Variants in EGFLAM observed in about 807,000 individuals in gnomAD.
EGFLAM encodes the protein EGF like, fibronectin type III and laminin G domains.
In EGFLAM, 79 loss-of-function variants were observed where a neutral mutation model predicts 113.1. The observed-to-expected ratio is 0.70, with a 90% confidence interval of 0.58 to 0.84. EGFLAM has a LOEUF of 0.84. Ranked by LOEUF, EGFLAM falls within the 40% of genes least tolerant of loss-of-function variation. The pLI is 0.00. For synonymous variants in EGFLAM, 504 were observed against 487.6 expected (o/e 1.03, Z -0.44); for missense variants, 1,265 against 1,291.6 (o/e 0.98, Z 0.32).
intron 5 of EGFLAM, among the ~76,000 whole-genome samples, chr5:38,357,864 CTT>C (rs796951086): frequency 2.2e-4 from 25 of 115,730 alleles, no homozygotes; most frequent in Non-Finnish European, 1.9e-4. Context: ...AACAAATTTT[CTT>C]TTTTTTTTTT....
At chr5:38,370,551 A>C (rs1740182243) in intron 6 of EGFLAM, 89 bp downstream of exon 6, 2 of 1,462,836 alleles carry the variant, frequency 1.4e-6, no homozygotes, top group Non-Finnish European at 1.8e-6. Flanking sequence ...TGCCGTGCAG[A>C]AGGACAGCCT....
chr5:38,371,201 G>C (rs1348133986), intron 6 of EGFLAM, among the ~76,000 whole-genome samples: 4 of 152,224 alleles, frequency 2.6e-5, no homozygotes, highest in African/African-American at 9.7e-5. Context: ...GTAGCAGGGA[G>C]AGTTGAGAAT....
intron 1 of EGFLAM, among the ~76,000 whole-genome samples, chr5:38,326,951 A>C (rs1401620155): frequency 2.6e-5 from 4 of 151,734 alleles, no homozygotes; most frequent in African/African-American, 9.7e-5. Flanking sequence ...GACATGCGAC[A>C]CCACGCCTGG....
rs1331509740 is a variant in EGFLAM at position 38,370,228 on chromosome 5, G to A, written c.546-68G>A. On this transcript the variant is annotated intron_variant, in intron 5 of 21. Transcript: ENST00000322350. ...AGTTCAAATGCTATTAGTTTACATA[G>A]CCAGCTAGCTTCCCTTCCCTCTGGT... The A allele has an allele frequency of 7.9e-6, 12 of 1,526,778 alleles. No individual in the cohort carries two copies. In the East Asian group the frequency reaches 1.4e-4, roughly 17 times the overall value. The allele number at this position is 1,526,778 out of a possible 1,614,324, so 94.6% of individuals were successfully genotyped here.
chr5:38,302,958 G>T (rs1269615053), intron 1 of EGFLAM, among the ~76,000 whole-genome samples: 1 of 152,100 alleles, frequency 6.6e-6, no homozygotes, highest in Non-Finnish European at 1.5e-5. Context: ...TCAATAATGA[G>T]CTCATTCTGG....
In EGFLAM at chr5:38,448,206, A is replaced by G. The variant is rs80271263; in HGVS notation, c.2465-95A>G. 3.6e-3 allele frequency: 4,776 copies of G among 1,318,978 alleles called. 127 individuals carry two copies. The African/African-American group carries it at 0.059, about 16-fold the overall frequency. The allele number at this position is 1,318,978 out of a possible 1,614,324, so 81.7% of individuals were successfully genotyped here. A position where few individuals can be genotyped will look rare whatever the true frequency, so the allele number is the denominator to read the frequency against. ...GGGCTGATGAATTGTTAAACATCCT[A>G]TTTCCAGGAGCTGGGTGTTTTCCTG... is the stretch of plus-strand genomic sequence containing the variant. On this transcript the variant is annotated intron_variant, in intron 17 of 21. Transcript: ENST00000322350.
chr5:38,447,341 C>G (rs114022056), intron 17 of EGFLAM, among the ~76,000 whole-genome samples: 2,232 of 152,278 alleles, frequency 0.015, 26 homozygotes, highest in Middle Eastern at 0.027. Context: ...CTCTTAACTA[C>G]GTGATCTCAG....
intron 5 of EGFLAM, among the ~76,000 whole-genome samples, chr5:38,367,239 C>T (rs1386914895): frequency 6.6e-6 from 1 of 151,470 alleles, no homozygotes; most frequent in Non-Finnish European, 1.5e-5. Context: ...CTCAACCTCC[C>T]AAGCTCAAGC....
chr5:38,443,630 T>A (rs1025704119), intron 17 of EGFLAM, among the ~76,000 whole-genome samples: 1 of 152,196 alleles, frequency 6.6e-6, no homozygotes, highest in Admixed American at 6.5e-5. Flanking sequence ...AAGTGTTTGC[T>A]CCGGCAGGAT....
chr5:38,453,281 G>T (rs1050989941), intron 19 of EGFLAM, among the ~76,000 whole-genome samples: 4 of 152,184 alleles, frequency 2.6e-5, no homozygotes, highest in African/African-American at 9.7e-5. Context: ...TCAAGTGTTT[G>T]CTAAATGATA....
At chr5:38,454,013 A>G (rs554733466) in intron 19 of EGFLAM, among the ~76,000 whole-genome samples, 162 of 152,168 alleles carry the variant, frequency 1.1e-3, no homozygotes, top group Non-Finnish European at 1.7e-3. Context: ...TTTTCTTCCA[A>G]TCCTGGAGTT....
intron 6 of EGFLAM, among the ~76,000 whole-genome samples, chr5:38,386,424 C>T (rs1740664210): frequency 6.6e-6 from 1 of 152,226 alleles, no homozygotes; most frequent in South Asian, 2.1e-4. Context: ...AACTCCTGAC[C>T]TCATGTGACC....
At position 38,463,825 on chromosome 5, in the gene EGFLAM, C is replaced by T. The variant is rs1170534531; in HGVS notation, c.2876-7C>T. On this transcript the variant is annotated splice_region_variant and splice_polypyrimidine_tract_variant and intron_variant, in intron 21 of 21. Transcript: ENST00000322350. ...GCTCACCTCATCTCCCTCTTGCTTC[C>T]TGGCAGGTGGAATGAAGGAAATTGC... The T allele has an allele frequency of 1.2e-6, 2 of 1,611,974 alleles. No homozygotes were observed. Among genetic ancestry groups the T allele is most frequent in the African/African-American group, 2.7e-5 (2 of 74,900 alleles).
At chr5:38,427,927 C>T (rs932195092) in intron 14 of EGFLAM, among the ~76,000 whole-genome samples, 9 of 152,156 alleles carry the variant, frequency 5.9e-5, no homozygotes, top group African/African-American at 2.2e-4. Context: ...CTAGTTTGTA[C>T]TATTAAATTA....
chr5:38,341,798 G>C (rs1232080724), intron 3 of EGFLAM, among the ~76,000 whole-genome samples: 2 of 152,152 alleles, frequency 1.3e-5, no homozygotes. Flanking sequence ...ACCTGGCAGA[G>C]AATGAGAGCT....
chr5:38,406,885 A>T lies in EGFLAM; in HGVS notation c.886A>T (p.Lys296Ter). Residue 296 changes from lysine to a stop codon, truncating the protein, a stop_gained, in exon 8 of 22, where the codon AAG becomes TAG. Coordinates refer to ENST00000322350, the MANE Select transcript of EGFLAM (RefSeq NM_152403.4). LOFTEE classifies it high-confidence loss of function. ...GNKKFLVESK[K>*]MSISNPKTIS... ...TAAGAAATTTTTGGTGGAAAGCAAG[A>T]AGATGTCTATATCTAACCCAAAGAC... 2 of 1,614,212 alleles carry T rather than the reference A, an allele frequency of 1.2e-6. No homozygotes were observed. Among genetic ancestry groups the T allele is most frequent in the Non-Finnish European group, 1.7e-6 (2 of 1,180,030 alleles).
chr5:38,395,526 A>G (rs1397796555), intron 6 of EGFLAM, among the ~76,000 whole-genome samples: 1 of 152,166 alleles, frequency 6.6e-6, no homozygotes, highest in African/African-American at 2.4e-5. Flanking sequence ...AAGAGTGAGA[A>G]GAGAGGGTCT....
In EGFLAM at chr5:38,373,150, C is replaced by T. The variant is rs984449903; in HGVS notation, c.712+2688C>T. On this transcript the variant is annotated intron_variant, in intron 6 of 21. Transcript: ENST00000322350. ...GCCAGGCAATGTGCTGGGCACTTTA[C>T]CTACAAAACCCATTTAATCCTCACA... Among the ~76,000 whole-genome samples, 6 of 152,236 alleles carry T rather than the reference C, an allele frequency of 3.9e-5. No homozygotes were observed. The East Asian group carries it at 1.2e-3, about 29-fold the overall frequency.
At chr5:38,410,255 C>G (rs987799552) in intron 10 of EGFLAM, among the ~76,000 whole-genome samples, 1 of 152,214 alleles carries the variant, frequency 6.6e-6, no homozygotes, top group African/African-American at 2.4e-5. Context: ...CCATGCTTTA[C>G]TAAATGATTT....
Sources: allele counts gnomAD v4.1 joint callset (sites outside exome capture counted in the v4.1 genomes callset), GRCh38; gene constraint gnomAD v4.1.1; transcripts MANE v1.5; gene names NCBI Gene and HGNC (gene_info 2026-07-23, HGNC 2026-07-21).